The following MYO9A variants were observed in gnomAD, a reference collection of about 807,000 sequenced individuals.
The protein encoded by MYO9A is unconventional myosin-IXa.
MYO9A carries 103 observed loss-of-function variants against 293.3 expected under a neutral mutation model. The observed-to-expected ratio is 0.35, with a 90% CI of 0.30 to 0.41. The LOEUF (loss-of-function observed/expected upper bound fraction) is 0.41. Among genes scored for constraint, MYO9A ranks in the 10% least tolerant of loss-of-function variants. The pLI is 1.00. For missense variants in MYO9A, 2,685 were observed against 3,033.0 expected (o/e 0.89, Z 2.69); for synonymous variants, 1,001 against 1,035.7 (o/e 0.97, Z 0.64).
intron 38 of MYO9A, among the ~76,000 whole-genome samples, chr15:71,849,225 G>A (rs1344128186): frequency 6.6e-6 from 1 of 152,066 alleles, no homozygotes; most frequent in Non-Finnish European, 1.5e-5. Context: ...CGAGGCGGGT[G>A]GATCACCTGA....
At chr15:71,866,522 G>A (rs1382628524) in intron 32 of MYO9A, among the ~76,000 whole-genome samples, 3 of 151,720 alleles carry the variant, frequency 2.0e-5, no homozygotes, top group Non-Finnish European at 2.9e-5. Flanking sequence ...TATGTAACAC[G>A]AAGTTTTTTT....
chr15:72,053,102 A>G (rs771404379), intron 1 of MYO9A, among the ~76,000 whole-genome samples: 5 of 152,192 alleles, frequency 3.3e-5, no homozygotes, highest in Non-Finnish European at 5.9e-5. Flanking sequence ...TAGCCACTAA[A>G]AAAGACTTTT....
At chr15:71,993,386 A>G (rs1596335959) in intron 10 of MYO9A, among the ~76,000 whole-genome samples, 1 of 152,212 alleles carries the variant, frequency 6.6e-6, no homozygotes, top group African/African-American at 2.4e-5. Context: ...AATAAAAATA[A>G]AAAGGAGTAT....
intron 18 of MYO9A, among the ~76,000 whole-genome samples, chr15:71,922,672 G>A (rs2145136681): frequency 6.6e-6 from 1 of 152,078 alleles, no homozygotes; most frequent in African/African-American, 2.4e-5. Flanking sequence ...TTGGCTTTTT[G>A]TTGTTGTTAT....
chr15:72,076,565 G>A (rs1301641805), intron 1 of MYO9A, among the ~76,000 whole-genome samples: 1 of 152,030 alleles, frequency 6.6e-6, no homozygotes, highest in African/African-American at 2.4e-5. Flanking sequence ...GATCTCTAAC[G>A]TGAAAACTAT....
upstream of MYO9A, chr15:72,118,570 C>G (rs775286617): frequency 6.6e-6 from 1 of 152,272 alleles, no homozygotes; most frequent in Non-Finnish European, 1.5e-5. Flanking sequence ...GACCTGGATT[C>G]TCAGCGCCGC....
At chr15:71,927,750 C>G (rs2145473495) in intron 18 of MYO9A, among the ~76,000 whole-genome samples, 1 of 151,818 alleles carries the variant, frequency 6.6e-6, no homozygotes, top group Non-Finnish European at 1.5e-5. Context: ...TTAACAGTTT[C>G]AGGTCTTATA....
At chr15:71,869,281 T>C (rs1471688) in intron 32 of MYO9A, among the ~76,000 whole-genome samples, 11,722 of 152,168 alleles carry the variant, frequency 0.077, 839 homozygotes, top group East Asian at 0.18. Context: ...ATAGGACAAA[T>C]AGATATCATA....
At chr15:72,070,053 C>T (rs1189296712) in intron 1 of MYO9A, among the ~76,000 whole-genome samples, 2 of 147,182 alleles carry the variant, frequency 1.4e-5, no homozygotes, top group Non-Finnish European at 3.0e-5. Flanking sequence ...CACTTGAACC[C>T]GGGAGGCAGA....
chr15:71,923,127 T>C (rs148418563), intron 18 of MYO9A, among the ~76,000 whole-genome samples: 172 of 152,344 alleles, frequency 1.1e-3, no homozygotes, highest in African/African-American at 3.6e-3. Context: ...TCTGTGTCTA[T>C]TGAAATAACT....
At chr15:72,040,893 C>G (rs1193705401) in intron 2 of MYO9A, among the ~76,000 whole-genome samples, 2 of 152,026 alleles carry the variant, frequency 1.3e-5, no homozygotes, top group African/African-American at 4.8e-5. Context: ...CAAGCAGTAC[C>G]TAGGAAAGAA....
At chr15:72,092,868 TAAC>T (rs1277820601) in intron 1 of MYO9A, among the ~76,000 whole-genome samples, 3 of 151,838 alleles carry the variant, frequency 2.0e-5, no homozygotes, top group Admixed American at 6.6e-5. Flanking sequence ...CATTTACTTG[TAAC>T]AACAAGACAC....
rs1311193940 is a variant in MYO9A, at chr15:72,117,673, G to C, written c.-72+7C>G. On this transcript the variant is annotated splice_region_variant and intron_variant, in intron 1 of 41. Transcript: ENST00000356056. Reference sequence around the variant, plus strand: ...GCAGGGCCGCTGGGCGCTTGGGCGGGTCTTACCTCGGGCTCCGCCGCGGTG... The same window carrying C: ...GCAGGGCCGCTGGGCGCTTGGGCGGCTCTTACCTCGGGCTCCGCCGCGGTG... 1 of 396,384 alleles carries C rather than the reference G, an allele frequency of 2.5e-6. No individual in the cohort carries two copies. Among genetic ancestry groups the C allele is most frequent in the Admixed American group, 4.4e-5 (1 of 22,660 alleles). The allele number at this position is 396,384 out of a possible 1,614,324, so 24.6% of individuals were successfully genotyped here. A position where few individuals can be genotyped will look rare whatever the true frequency, so the allele number is the denominator to read the frequency against.
intron 15 of MYO9A, 107 bp from the exon 16 acceptor site, chr15:71,939,034 A>G: frequency 1.4e-6 from 1 of 737,310 alleles, no homozygotes; most frequent in Non-Finnish European, 2.2e-6. Context: ...GTATTTGCTA[A>G]ATATTTCAGA....
chr15:71,983,477 T>A (rs1273668227), intron 11 of MYO9A, among the ~76,000 whole-genome samples: 1 of 134,146 alleles, frequency 7.5e-6, no homozygotes, highest in African/African-American at 2.8e-5. Flanking sequence ...TTTCTTTTTT[T>A]TTTTTTTTTT....
chr15:71,969,874 T>G (rs1268128247), intron 12 of MYO9A, among the ~76,000 whole-genome samples: 1 of 152,188 alleles, frequency 6.6e-6, no homozygotes, highest in East Asian at 1.9e-4. Flanking sequence ...GCTCTTCATC[T>G]AGTGTTCCTC....
At chr15:72,038,429 T>A (rs2078124749) in intron 2 of MYO9A, among the ~76,000 whole-genome samples, 1 of 151,626 alleles carries the variant, frequency 6.6e-6, no homozygotes, top group South Asian at 2.1e-4. Context: ...TTTAAGAGAG[T>A]TCAAGTTATA....
At chr15:72,042,015 T>TAAA (rs61163353) in intron 2 of MYO9A, among the ~76,000 whole-genome samples, 2 of 131,936 alleles carry the variant, frequency 1.5e-5, no homozygotes, top group Non-Finnish European at 3.3e-5. Context: ...ACACTGACAG[T>TAAA]AAAAAAAAAA....
At chr15:71,967,714 C>T (rs1277484956) in intron 13 of MYO9A, among the ~76,000 whole-genome samples, 1 of 152,158 alleles carries the variant, frequency 6.6e-6, no homozygotes, top group Non-Finnish European at 1.5e-5. Flanking sequence ...TTGGGATATA[C>T]AGATGCAATC....
Sources: gnomAD v4.1 joint callset for allele counts (sites outside exome capture counted in the v4.1 genomes callset) on GRCh38, gnomAD v4.1.1 for gene constraint, MANE v1.5 for transcripts, NCBI Gene and HGNC (gene_info 2026-07-23, HGNC 2026-07-21) for gene names.